Variants in NCOA5 observed in about 807,000 individuals in gnomAD.
The protein encoded by NCOA5 is nuclear receptor coactivator 5.
A neutral mutation model predicts 59.0 loss-of-function variants in NCOA5; 12 were observed. The observed-to-expected ratio is 0.20, with a 90% CI of 0.13 to 0.33. The LOEUF (loss-of-function observed/expected upper bound fraction) is 0.33. Ranked by LOEUF, NCOA5 falls within the 10% of genes least tolerant of loss-of-function variation. The probability of loss-of-function intolerance (pLI) is 1.00; values close to 1 mark genes in which losing one functional copy is unlikely to be tolerated. For synonymous variants in NCOA5, 270 were observed against 275.5 expected, an observed-to-expected ratio of 0.98 and a Z score of 0.20; for missense variants, 655 against 766.6, an observed-to-expected ratio of 0.85 and a Z score of 1.72.
In NCOA5 at chr20:46,077,904, G is replaced by A. The variant is rs116754344; in HGVS notation, c.38+1483C>T. ...AGGCTAATGAAAGCAGACATTATAC[G>A]GAACTGCTGAAGTTCTGCAGGATTT... On this transcript the variant is annotated intron_variant, in intron 2 of 7. Coordinates refer to ENST00000290231, the MANE Select transcript of NCOA5 (RefSeq NM_020967.3). Among the ~76,000 whole-genome samples, 137 of 152,292 alleles carry A rather than the reference G, an allele frequency of 9.0e-4. 1 individual carries two copies. Among genetic ancestry groups the A allele is most frequent in the Middle Eastern group, 3.4e-3 (1 of 294 alleles).
At chr20:46,076,235 C>G (rs985151030) in intron 2 of NCOA5, among the ~76,000 whole-genome samples, 12 of 152,060 alleles carry the variant, frequency 7.9e-5, no homozygotes, top group Admixed American at 6.5e-4. Context: ...TGGGGGCATA[C>G]AAAATGATTA....
chr20:46,072,516 T>C (rs909464512), intron 2 of NCOA5, among the ~76,000 whole-genome samples: 1 of 152,112 alleles, frequency 6.6e-6, no homozygotes, highest in African/African-American at 2.4e-5. Context: ...GTATTTAGAA[T>C]TCAATCTACA....
rs143507954 is a variant in NCOA5, at chr20:46,068,597, T to C, written c.407A>G (p.Tyr136Cys). Residue 136 changes from tyrosine to cysteine, a missense_variant, in exon 4 of 8, where the codon TAT becomes TGT. Tyr to Cys is a radical substitution (Grantham distance 194, BLOSUM62 -2). This residue lies in a region of NCOA5 where 250 missense variants were observed against 260.1 expected (regional missense o/e 0.96). Coordinates refer to ENST00000290231, the MANE Select transcript of NCOA5 (RefSeq NM_020967.3). ...SYDRYLRMDD[Y>C]CRRKDDSYFD... Reference sequence around the variant, plus strand: ...ATAAGAGTCATCCTTTCTCCTGCAATAGTCATCCATTCGTAGGTATCGGTC... The same window carrying C: ...ATAAGAGTCATCCTTTCTCCTGCAACAGTCATCCATTCGTAGGTATCGGTC... 5.0e-6 allele frequency: 8 copies of C among 1,613,660 alleles called. No individual in the cohort carries two copies. Among genetic ancestry groups the C allele is most frequent in the African/African-American group, 1.3e-5 (1 of 74,920 alleles).
rs377007327 is a variant in NCOA5, at chr20:46,063,340, G to A, written c.1150+20C>T. 2.8e-5 allele frequency: 45 copies of A among 1,606,414 alleles called. 1 individual carries two copies. The South Asian group carries it at 2.9e-4, about 10-fold the overall frequency. On this transcript the variant is annotated intron_variant, in intron 7 of 7. Transcript: ENST00000290231. ...AAATGCAGAGTCAGAACTTCACCTC[G>A]GCCCTGCCACGTAGCTCACCAGGCA...
chr20:46,073,165 T>C (rs1001788677), intron 2 of NCOA5, among the ~76,000 whole-genome samples: 1 of 152,142 alleles, frequency 6.6e-6, no homozygotes, highest in African/African-American at 2.4e-5. Flanking sequence ...CAGCATGTTT[T>C]GCTCATACTT....
chr20:46,075,027 A>C (rs1238557715), intron 2 of NCOA5, among the ~76,000 whole-genome samples: 1 of 152,214 alleles, frequency 6.6e-6, no homozygotes, highest in East Asian at 1.9e-4. Context: ...TCACAGATAT[A>C]CTGTCCACAA....
Position 46,061,318 on chromosome 20 carries a change from C to T in NCOA5, c.*982G>A, listed in dbSNP as rs2084759037. ...TCCTTCTAACAATTTCACTCTGGTA[C>T]AAAAGTCGCGAACAGCCACCCATCT... On this transcript the variant is annotated 3_prime_UTR_variant, in exon 8 of 8. Transcript: ENST00000290231. 1 of 152,652 alleles carries T rather than the reference C, an allele frequency of 6.6e-6. No individual in the cohort carries two copies. The highest frequency in any genetic ancestry group is 1.5e-5 in the Non-Finnish European group (1 of 68,070). 9.5% of individuals were successfully genotyped at this position (152,652 alleles called of 1,614,324 possible).
intron 2 of NCOA5, among the ~76,000 whole-genome samples, chr20:46,075,980 T>C (rs921375289): frequency 2.0e-5 from 3 of 152,140 alleles, no homozygotes; most frequent in Admixed American, 6.5e-5. Flanking sequence ...TATTATTGAA[T>C]AGAGAGCAAA....
chr20:46,077,940 T>C (rs993580499), intron 2 of NCOA5, among the ~76,000 whole-genome samples: 1 of 152,242 alleles, frequency 6.6e-6, no homozygotes, highest in Non-Finnish European at 1.5e-5. Context: ...GTTTATGTTC[T>C]TCAGGATACT....
intron 1 of NCOA5, among the ~76,000 whole-genome samples, chr20:46,081,358 A>T (rs2084990027): frequency 6.6e-6 from 1 of 152,144 alleles, no homozygotes; most frequent in Non-Finnish European, 1.5e-5. Flanking sequence ...GTATAATTAT[A>T]GCCAGTTTCG....
Position 46,062,430 on chromosome 20 carries a change from T to C in NCOA5, c.1610A>G (p.Asn537Ser), listed in dbSNP as rs1276965667. 1.2e-6 allele frequency: 2 copies of C among 1,614,002 alleles called. No homozygotes were observed. The highest frequency in any genetic ancestry group is 1.7e-6 in the Non-Finnish European group (2 of 1,179,992). Residue 537 changes from asparagine to serine, a missense_variant, in exon 8 of 8, where the codon AAT (asparagine) becomes AGT (serine). Asn to Ser is a conservative substitution (Grantham distance 46). Around this residue, in one of 3 missense-constraint regions of NCOA5, gnomAD observed 325 missense variants for 353.2 expected, o/e 0.92. Coordinates refer to ENST00000290231, the MANE Select transcript of NCOA5 (RefSeq NM_020967.3). ...ATCCAGAGCCTTCTGTACACTTGGA[T>C]TGTCAAAGTTGATACCTGTGGAAGA... ...PVSSTGINFD[N>S]PSVQKALDTL...
rs2084832596 is a variant in NCOA5, at chr20:46,067,125, C to A, written c.559G>T (p.Glu187Ter). ...TCGGCATCAAAGCGTCTCTGGATTT[C>A]CTCAAAATATTGACGATAAAGCTCT... ...REELYRQYFE[E>*]IQRRFDAERP... The change falls in exon 5 of 8, where the codon GAA (glutamate) becomes TAA (stop). Residue 187 changes from glutamate (E) to a stop codon, truncating the protein, a stop_gained. Transcript: ENST00000290231. LOFTEE classifies it high-confidence loss of function. 1 of 1,614,198 alleles carries A rather than the reference C, an allele frequency of 6.2e-7. No homozygotes were observed.
At position 46,062,693 on chromosome 20, in the gene NCOA5, G is replaced by C. The variant is rs1288553056; in HGVS notation, c.1347C>G (p.Ser449Arg). 3.1e-6 allele frequency: 5 copies of C among 1,614,004 alleles called. No individual in the cohort carries two copies. Among genetic ancestry groups the C allele is most frequent in the Non-Finnish European group, 4.2e-6 (5 of 1,179,964 alleles). The change falls in exon 8 of 8, where the codon AGC becomes AGG. Residue 449 changes from serine (S) to arginine (R), a missense_variant. Ser to Arg is a moderately radical substitution (Grantham distance 110). Around this residue, in one of 3 missense-constraint regions of NCOA5, gnomAD observed 325 missense variants for 353.2 expected, o/e 0.92. Coordinates refer to ENST00000290231, the MANE Select transcript of NCOA5 (RefSeq NM_020967.3). The stretch of plus-strand genomic sequence containing the variant: ...CGGCAGCAACCGAGGGGGATGCAGA[G>C]CTGCTATTGGCCGTCACTGTGCCAC... ...FNSGTVTANS[S>R]SASPSVAAGN...
chr20:46,086,853 CATG>C lies in NCOA5; in HGVS notation c.-30+2961_-30+2963del, dbSNP rs76502487. ...TGAGAGGATAGCAGGAGAAAGGCATCATGATAACTTCCTCTCTCAGATATTGAC... is the reference window on the plus strand; with the variant it reads ...TGAGAGGATAGCAGGAGAAAGGCATCATAACTTCCTCTCTCAGATATTGAC... On this transcript the variant is annotated intron_variant, in intron 1 of 7. Coordinates refer to ENST00000290231, the MANE Select transcript of NCOA5 (RefSeq NM_020967.3). Among the ~76,000 whole-genome samples the C allele has an allele frequency of 3.6e-3, 545 of 152,320 alleles. 20 individuals are homozygous for C. In the East Asian group the frequency reaches 0.082, roughly 23 times the overall value.
At chr20:46,077,743 A>G (rs190192163) in intron 2 of NCOA5, among the ~76,000 whole-genome samples, 1 of 152,358 alleles carries the variant, frequency 6.6e-6, no homozygotes, top group Admixed American at 6.5e-5. Flanking sequence ...GCCACCTGGC[A>G]ACTAAAGATT....
At chr20:46,068,714 G>A (rs995565197) in intron 3 of NCOA5, 76 bp from the exon 4 acceptor site, 1 of 1,445,810 alleles carries the variant, frequency 6.9e-7, no homozygotes, top group Admixed American at 2.0e-5. Context: ...AATTCTCTGG[G>A]ATTAGACAAA....
chr20:46,064,437 G>A (rs1028198504), intron 6 of NCOA5, among the ~76,000 whole-genome samples: 1 of 152,248 alleles, frequency 6.6e-6, no homozygotes, highest in African/African-American at 2.4e-5. Flanking sequence ...AGCTACTTCT[G>A]AGGAGGACTT....
chr20:46,087,722 A>G (rs570660345), intron 1 of NCOA5, among the ~76,000 whole-genome samples: 2 of 152,350 alleles, frequency 1.3e-5, no homozygotes, highest in South Asian at 4.1e-4. Flanking sequence ...AGCCTGGGCA[A>G]CAAGAGTGAA....
rs1220700913 is a variant in NCOA5, at chr20:46,079,430, T to G, written c.-6A>C. On this transcript the variant is annotated 5_prime_UTR_variant, in exon 2 of 8. Transcript: ENST00000290231. ...CTTGATGGAGCCGTATTCATATTTCTTCTTTCCGCTGCCTTATTAATATCT... is the reference window on the plus strand; with the variant it reads ...CTTGATGGAGCCGTATTCATATTTCGTCTTTCCGCTGCCTTATTAATATCT... 1 of 1,613,982 alleles carries G rather than the reference T, an allele frequency of 6.2e-7. No individual in the cohort carries two copies. The highest frequency in any genetic ancestry group is 1.1e-5 in the South Asian group (1 of 91,082).
Sources: allele counts gnomAD v4.1 joint callset (sites outside exome capture counted in the v4.1 genomes callset), GRCh38; gene constraint gnomAD v4.1.1; regional missense constraint gnomAD v4.1.1; transcripts MANE v1.5; gene names NCBI Gene and HGNC (gene_info 2026-07-23, HGNC 2026-07-21).